The following ANKFN1 variants were observed in gnomAD, a reference collection of about 807,000 sequenced individuals.
The protein encoded by ANKFN1 is ankyrin repeat and fibronectin type-III domain-containing protein 1.
In ANKFN1, 74 loss-of-function variants were observed where a neutral mutation model predicts 108.7. The observed-to-expected ratio is 0.68, with a 90% CI of 0.56 to 0.83. The LOEUF is 0.83. Ranked by LOEUF, ANKFN1 falls within the 40% of genes least tolerant of loss-of-function variation. ANKFN1 has a pLI of 0.00. For missense variants in ANKFN1, 1,505 were observed against 1,382.3 expected (o/e 1.09, Z -1.41); for synonymous variants, 547 against 516.2 (o/e 1.06, Z -0.81).
chr17:56,082,257 T>A (rs1244389000), intron 4 of ANKFN1, among the ~76,000 whole-genome samples: 1 of 146,552 alleles, frequency 6.8e-6, no homozygotes, highest in Non-Finnish European at 1.5e-5. Flanking sequence ...TACAACCAAG[T>A]TTTTGTTGTT....
In ANKFN1 at chr17:56,510,804, C is replaced by A; in HGVS notation, c.2976C>A (p.Pro992=). The change falls in exon 21 of 21, where the codon CCC becomes CCA. Residue 992 remains proline (P), a synonymous_variant. Transcript: ENST00000682825. ...CCAAGACTGTGTCCGGTGGGCGGCC[C>A]CCGCTAGGCTTCCTGGGAAAGCGGA... ...NHAKTVSGGR[P]PLGFLGKRKP... 6.5e-7 allele frequency: 1 copy of A among 1,536,158 alleles called. No individual in the cohort carries two copies. The highest frequency in any genetic ancestry group is 8.7e-7 in the Non-Finnish European group (1 of 1,146,904).
chr17:56,049,475 T>C (rs939538699), intron 4 of ANKFN1, among the ~76,000 whole-genome samples: 4 of 151,982 alleles, frequency 2.6e-5, no homozygotes, highest in African/African-American at 9.7e-5. Flanking sequence ...TGTGCCATGC[T>C]GGTGCGCTGC....
intron 8 of ANKFN1, among the ~76,000 whole-genome samples, chr17:56,425,325 A>G (rs1476078225): frequency 6.6e-6 from 1 of 152,182 alleles, no homozygotes; most frequent in Non-Finnish European, 1.5e-5. Flanking sequence ...AATGTCCACA[A>G]TTTAACTGGT....
intron 8 of ANKFN1, among the ~76,000 whole-genome samples, chr17:56,437,350 C>A (rs116546597): frequency 1.1e-4 from 16 of 152,254 alleles, no homozygotes; most frequent in African/African-American, 3.9e-4. Context: ...TAATCATTTG[C>A]CAAATAATCT....
chr17:56,121,624 A>T (rs1386632255), intron 4 of ANKFN1, among the ~76,000 whole-genome samples: 3 of 151,806 alleles, frequency 2.0e-5, no homozygotes, highest in Non-Finnish European at 4.4e-5. Context: ...GTGCTAGGGG[A>T]AAAAAAGGGT....
chr17:56,403,427 C>T (rs772377510), intron 8 of ANKFN1, among the ~76,000 whole-genome samples: 1 of 152,032 alleles, frequency 6.6e-6, no homozygotes, highest in African/African-American at 2.4e-5. Flanking sequence ...TCCTGTTGGA[C>T]AAGGTCTTTT....
rs1368282713 is a variant in ANKFN1, at chr17:56,499,004, C to G, written c.2550C>G (p.Ser850Arg). ...TGATAGACCCCTCAGATGAGCAGAG[C>G]CTAAAGAAGATCAATTCTACATCAT... ...TKLIDPSDEQ[S>R]LKKINSTSSS... Residue 850 changes from serine to arginine, a missense_variant, in exon 20 of 21, where the codon AGC becomes AGG. By Grantham distance (110) the Ser-to-Arg change is moderately radical. Coordinates refer to ENST00000682825, the MANE Select transcript of ANKFN1 (RefSeq NM_001370326.1). 1.3e-6 allele frequency: 2 copies of G among 1,535,670 alleles called. No homozygotes were observed. Among genetic ancestry groups the G allele is most frequent in the East Asian group, 2.4e-5 (1 of 40,910 alleles).
chr17:56,320,119 T>C (rs933098764), intron 3 of ANKFN1, among the ~76,000 whole-genome samples: 3 of 152,148 alleles, frequency 2.0e-5, no homozygotes, highest in Non-Finnish European at 4.4e-5. Flanking sequence ...AGTGTGAGAA[T>C]TCAGAGATAC....
rs1443356978 is a variant in ANKFN1 at position 56,372,738 on chromosome 17, G to A, written c.694G>A (p.Glu232Lys). The A allele has an allele frequency of 3.1e-6, 5 of 1,613,930 alleles. No individual in the cohort carries two copies. The highest frequency in any genetic ancestry group is 4.2e-6 in the Non-Finnish European group (5 of 1,179,976). Residue 232 changes from glutamate to lysine, a missense_variant, in exon 7 of 21, where the codon GAA becomes AAA. Glu to Lys is a moderately conservative substitution (Grantham distance 56). Coordinates refer to ENST00000682825, the MANE Select transcript of ANKFN1 (RefSeq NM_001370326.1). ...TGAACTGTCTGCCCAGGTGGAGAAT[G>A]AAGGATTCACTCTGGACAACACAGA... ...VSELSAQVEN[E>K]GFTLDNTEKE...
chr17:56,361,551 A>G (rs2046517873), intron 6 of ANKFN1, among the ~76,000 whole-genome samples: 1 of 152,104 alleles, frequency 6.6e-6, no homozygotes, highest in Non-Finnish European at 1.5e-5. Context: ...CCATTTCTTC[A>G]TTTGTAAAAT....
intron 8 of ANKFN1, among the ~76,000 whole-genome samples, chr17:56,398,197 C>T (rs1159994621): frequency 6.6e-6 from 1 of 152,146 alleles, no homozygotes; most frequent in African/African-American, 2.4e-5. Context: ...CCGTTACAAA[C>T]CCAATGAGTA....
chr17:56,381,359 A>T (rs2047098125), intron 8 of ANKFN1, among the ~76,000 whole-genome samples: 1 of 152,230 alleles, frequency 6.6e-6, no homozygotes, highest in Non-Finnish European at 1.5e-5. Flanking sequence ...GAATAACTGG[A>T]AACTCTAAAA....
intron 3 of ANKFN1, among the ~76,000 whole-genome samples, chr17:56,271,264 C>CA (rs1472173256): frequency 6.6e-6 from 1 of 152,166 alleles, no homozygotes; most frequent in Non-Finnish European, 1.5e-5. Flanking sequence ...CTCAGCCTCC[C>CA]AAAGTGCTGG....
chr17:56,261,918 T>C (rs900027694), intron 3 of ANKFN1, among the ~76,000 whole-genome samples: 6 of 152,094 alleles, frequency 3.9e-5, no homozygotes, highest in Non-Finnish European at 7.4e-5. Context: ...ATCACAGACA[T>C]GTTGGGAATA....
intron 3 of ANKFN1, among the ~76,000 whole-genome samples, chr17:56,273,236 G>A (rs1018875158): frequency 6.6e-6 from 1 of 151,942 alleles, no homozygotes; most frequent in Non-Finnish European, 1.5e-5. Flanking sequence ...TAACAGTATA[G>A]TGTGTTCATT....
At chr17:56,336,930 A>T (rs188567813) in intron 4 of ANKFN1, among the ~76,000 whole-genome samples, 3,247 of 152,124 alleles carry the variant, frequency 0.021, 107 homozygotes, top group African/African-American at 0.071. Context: ...TCTTTGTTTC[A>T]TTGGTTTCAA....
intron 1 of ANKFN1, chr17:56,206,927 T>C (rs1362214525): frequency 6.6e-6 from 1 of 152,274 alleles, no homozygotes; most frequent in Non-Finnish European, 1.5e-5. Context: ...CATTCCAGGT[T>C]TGAGCCCTAC....
At chr17:56,373,679 C>T (rs1440456947) in intron 7 of ANKFN1, among the ~76,000 whole-genome samples, 1 of 152,186 alleles carries the variant, frequency 6.6e-6, no homozygotes, top group African/African-American at 2.4e-5. Flanking sequence ...AAATCTAGGC[C>T]TAATCCTTTC....
intron 8 of ANKFN1, among the ~76,000 whole-genome samples, chr17:56,399,081 A>G (rs140850100): frequency 4.5e-4 from 69 of 152,306 alleles, no homozygotes; most frequent in African/African-American, 1.5e-3. Context: ...ATAAATTTCA[A>G]TAAGAAGGCT....
Sources: gnomAD v4.1 joint callset for allele counts (sites outside exome capture counted in the v4.1 genomes callset) on GRCh38, gnomAD v4.1.1 for gene constraint, MANE v1.5 for transcripts, NCBI Gene and HGNC (gene_info 2026-07-23, HGNC 2026-07-21) for gene names.